The following TLK1 variants were observed in gnomAD, a reference collection of about 807,000 sequenced individuals.
TLK1 encodes the protein serine/threonine-protein kinase tousled-like 1.
Under a neutral mutation model 105.3 loss-of-function variants are expected in TLK1, and 24 were observed. The observed-to-expected ratio is 0.23, with a 90% CI of 0.17 to 0.32. The LOEUF (loss-of-function observed/expected upper bound fraction) is 0.32. TLK1 is among the 10% of genes least tolerant of loss of function. TLK1 has a pLI of 1.00. For missense variants in TLK1, 558 were observed against 910.5 expected (o/e 0.61, Z 4.98); for synonymous variants, 321 against 310.4 (o/e 1.03, Z -0.36).
chr2:171,129,007 T>C (rs956338370), intron 1 of TLK1, among the ~76,000 whole-genome samples: 7 of 152,076 alleles, frequency 4.6e-5, no homozygotes, highest in Non-Finnish European at 8.8e-5. Flanking sequence ...CGTGTCCGTG[T>C]CAGAGACACA....
chr2:171,057,559 A>C (rs1039899443), intron 5 of TLK1, among the ~76,000 whole-genome samples: 5 of 152,050 alleles, frequency 3.3e-5, no homozygotes, highest in Admixed American at 2.6e-4. Flanking sequence ...CCCAAGAAAG[A>C]AAGCAGTGGT....
intron 1 of TLK1, among the ~76,000 whole-genome samples, chr2:171,123,010 G>A (rs1479850376): frequency 2.0e-5 from 3 of 151,054 alleles, no homozygotes; most frequent in Non-Finnish European, 2.9e-5. Flanking sequence ...CTTCACTCCA[G>A]CCTGGGTGAC....
chr2:171,183,947 A>G (rs1201229326), intron 1 of TLK1, among the ~76,000 whole-genome samples: 2 of 152,348 alleles, frequency 1.3e-5, no homozygotes, highest in Middle Eastern at 3.4e-3. Flanking sequence ...GTTACCTTAC[A>G]TAGCATAAGA....
chr2:171,094,181 G>A (rs557404334), intron 2 of TLK1, among the ~76,000 whole-genome samples: 1 of 152,286 alleles, frequency 6.6e-6, no homozygotes, highest in South Asian at 2.1e-4. Context: ...AGAGTTGACA[G>A]TGAAACGCAA....
intron 2 of TLK1, among the ~76,000 whole-genome samples, chr2:171,100,992 T>C (rs1314987465): frequency 2.0e-5 from 3 of 152,156 alleles, no homozygotes; most frequent in African/African-American, 4.8e-5. Context: ...TGTCATATAA[T>C]GGAATGAGTA....
chr2:171,129,199 C>T (rs1467945392), intron 1 of TLK1, among the ~76,000 whole-genome samples: 5 of 152,162 alleles, frequency 3.3e-5, no homozygotes, highest in African/African-American at 1.2e-4. Context: ...ATCCCTTTCC[C>T]TCATTACTAA....
intron 12 of TLK1, among the ~76,000 whole-genome samples, chr2:171,026,262 T>G (rs568842447): frequency 1.3e-5 from 2 of 152,252 alleles, no homozygotes; most frequent in East Asian, 3.9e-4. Flanking sequence ...GGTTTAGTGT[T>G]CTACAACATT....
chr2:171,018,141 A>G (rs1034557397), intron 12 of TLK1, among the ~76,000 whole-genome samples: 2 of 152,208 alleles, frequency 1.3e-5, no homozygotes, highest in Non-Finnish European at 2.9e-5. Flanking sequence ...TGGAGCCTTC[A>G]TGATGGGATT....
At chr2:171,026,733 T>G (rs1685790615) in intron 12 of TLK1, among the ~76,000 whole-genome samples, 1 of 152,126 alleles carries the variant, frequency 6.6e-6, no homozygotes, top group Non-Finnish European at 1.5e-5. Flanking sequence ...ACAGTTTAAG[T>G]GGGCACACAG....
intron 1 of TLK1, among the ~76,000 whole-genome samples, chr2:171,211,285 T>G (rs746193513): frequency 6.6e-6 from 1 of 152,236 alleles, no homozygotes; most frequent in Non-Finnish European, 1.5e-5. Flanking sequence ...TCCCTTTCTA[T>G]AACCGGTTTG....
chr2:171,037,033 GA>G lies in TLK1; in HGVS notation c.1170-8629del, dbSNP rs996833830. ...TACAGCTATGAATACACAGAGCAAA[GA>G]AAAAAAATACATTCTATCTGCAGGA... On this transcript the variant is annotated intron_variant, in intron 11 of 20. Coordinates refer to ENST00000431350, the MANE Select transcript of TLK1 (RefSeq NM_012290.5). Among the ~76,000 whole-genome samples, 6 of 151,626 alleles carry G rather than the reference GA, an allele frequency of 4.0e-5. No individual in the cohort carries two copies. In the East Asian group the frequency reaches 5.8e-4, roughly 15 times the overall value.
intron 2 of TLK1, among the ~76,000 whole-genome samples, chr2:171,093,443 G>T (rs1310090463): frequency 1.3e-5 from 2 of 152,120 alleles, no homozygotes; most frequent in Admixed American, 6.5e-5. Flanking sequence ...CTGATGAAAA[G>T]AAAGGGCATA....
intron 1 of TLK1, among the ~76,000 whole-genome samples, chr2:171,180,469 C>T (rs908170135): frequency 6.6e-6 from 1 of 152,044 alleles, no homozygotes; most frequent in Non-Finnish European, 1.5e-5. Context: ...CTGTCAGAAC[C>T]GAGAAGACTA....
intron 1 of TLK1, among the ~76,000 whole-genome samples, chr2:171,209,953 C>T (rs1419398662): frequency 2.6e-5 from 4 of 152,176 alleles, no homozygotes; most frequent in Admixed American, 1.3e-4. Flanking sequence ...AATACTGATA[C>T]ACATTCTCAA....
intron 17 of TLK1, 30 bp downstream of exon 17, chr2:171,006,444 T>A (rs774927246): frequency 1.9e-6 from 3 of 1,545,742 alleles, no homozygotes. Context: ...TACTCAAGTT[T>A]AAAAAAAATT....
At position 171,129,396 on chromosome 2, in the gene TLK1, G is replaced by T. The variant is rs1411376675; in HGVS notation, c.140-11539C>A. Among the ~76,000 whole-genome samples the T allele has an allele frequency of 3.3e-5, 5 of 152,282 alleles. No individual in the cohort carries two copies. The East Asian group carries it at 9.6e-4, about 29-fold the overall frequency. ...TCTATCCCAATAATACAGGGTGAAA[G>T]AAGGGCCACAGAACAGTTTTTCTTT... is the stretch of plus-strand genomic sequence containing the variant. On this transcript the variant is annotated intron_variant, in intron 1 of 20. Transcript: ENST00000431350.
chr2:171,136,382 G>A (rs1691324875), intron 1 of TLK1, among the ~76,000 whole-genome samples: 1 of 152,154 alleles, frequency 6.6e-6, no homozygotes, highest in Non-Finnish European at 1.5e-5. Flanking sequence ...AAAACATTCT[G>A]GAGATTAGCT....
chr2:171,037,693 C>G (rs1470598356), intron 11 of TLK1, among the ~76,000 whole-genome samples: 1 of 152,146 alleles, frequency 6.6e-6, no homozygotes, highest in African/African-American at 2.4e-5. Flanking sequence ...CAACCTTGCA[C>G]ATCCAACATA....
chr2:171,039,138 T>G (rs2105410810), intron 11 of TLK1, among the ~76,000 whole-genome samples: 1 of 152,290 alleles, frequency 6.6e-6, no homozygotes, highest in South Asian at 2.1e-4. Flanking sequence ...TGGGTGGTGT[T>G]TGCCTGTCTT....
Sources: allele counts gnomAD v4.1 joint callset (sites outside exome capture counted in the v4.1 genomes callset), GRCh38; gene constraint gnomAD v4.1.1; transcripts MANE v1.5; gene names NCBI Gene and HGNC (gene_info 2026-07-23, HGNC 2026-07-21).